The following SLF2 variants were observed in gnomAD, a reference collection of about 807,000 sequenced individuals.
The protein encoded by SLF2 is SMC5/6 complex localization factor 2.
In SLF2, 68 loss-of-function variants were observed where a neutral mutation model predicts 124.3. The ratio of observed to expected loss-of-function variants is 0.55; its 90% confidence interval spans 0.45 to 0.67. The LOEUF is 0.67. SLF2 is among the 30% of genes least tolerant of loss of function. The pLI, the probability that SLF2 is intolerant of heterozygous loss-of-function variation, is 0.00. For synonymous variants in SLF2, 480 were observed against 478.8 expected (o/e 1.00, Z -0.03); for missense variants, 1,246 against 1,373.7 (o/e 0.91, Z 1.47).
intron 4 of SLF2, among the ~76,000 whole-genome samples, chr10:100,919,331 T>A (rs1969724): frequency 0.83 from 126,274 of 152,044 alleles, 52,626 homozygotes; most frequent in African/African-American, 0.86. Flanking sequence ...ATAATCTTAT[T>A]ATCTTGGAAT....
chr10:100,954,025 G>C (rs1482899754), intron 17 of SLF2, among the ~76,000 whole-genome samples: 1 of 151,980 alleles, frequency 6.6e-6, no homozygotes, highest in Non-Finnish European at 1.5e-5. Context: ...GGTAGGCCGA[G>C]GCATGCAGAT....
At position 100,924,445 on chromosome 10, in the gene SLF2, G is replaced by C; in HGVS notation, c.1444G>C (p.Ala482Pro). 1 of 1,614,172 alleles carries C rather than the reference G, an allele frequency of 6.2e-7. No homozygotes were observed. The highest frequency in any genetic ancestry group is 1.1e-5 in the South Asian group (1 of 91,084). Residue 482 changes from alanine (A) to proline (P), a missense_variant, in exon 5 of 20, where the codon GCT becomes CCT. Ala to Pro is a conservative substitution (Grantham distance 27). Transcript: ENST00000238961. Reference protein sequence around the residue: ...KLPLLSRVPSAGSSLVPLNAK... With the variant: ...KLPLLSRVPSPGSSLVPLNAK... ...ACCTTTACTTTCCCGTGTTCCAAGTGCTGGTTCCTCTCTAGTACCATTAAA... is the reference window on the plus strand; with the variant it reads ...ACCTTTACTTTCCCGTGTTCCAAGTCCTGGTTCCTCTCTAGTACCATTAAA...
intron 17 of SLF2, among the ~76,000 whole-genome samples, chr10:100,952,654 T>A (rs1850241378): frequency 6.6e-6 from 1 of 152,060 alleles, no homozygotes; most frequent in East Asian, 1.9e-4. Flanking sequence ...AAACTGTGTT[T>A]GCGGTTGGGC....
At chr10:100,926,491 C>A in intron 6 of SLF2, 1 of 410,262 alleles carries the variant, frequency 2.4e-6, no homozygotes, top group Non-Finnish European at 4.2e-6. Context: ...ATGGTCCCAG[C>A]TACTCAACAG....
In SLF2 at chr10:100,959,144, G is replaced by A. The variant is rs558684131; in HGVS notation, c.3418-284G>A. Among the ~76,000 whole-genome samples, 12 of 152,288 alleles carry A rather than the reference G, an allele frequency of 7.9e-5. No individual in the cohort carries two copies. In the South Asian group the frequency reaches 1.5e-3, roughly 18 times the overall value. On this transcript the variant is annotated intron_variant, in intron 18 of 19. Transcript: ENST00000238961. ...CAGCGAGTTAAAGTTAAGTTCCTTT[G>A]AAGGCAGAGAATGTGTTTTTGGGGA...
rs143525833 is a variant in SLF2 at position 100,947,113 on chromosome 10, C to G, written c.3009C>G (p.Val1003=). The G allele has an allele frequency of 1.3e-4, 201 of 1,583,250 alleles. 2 individuals carry two copies. The highest frequency in any genetic ancestry group is 1.1e-4 in the Non-Finnish European group (124 of 1,167,844). The change falls in exon 14 of 20, where the codon GTC becomes GTG. Residue 1003 remains valine, a synonymous_variant. Transcript: ENST00000238961. The part of the protein sequence containing the change: ...PHNLLWLVQL[V]PNWTSRGRQL... ...ACCTCCTGTGGTTGGTACAGCTGGTCCCTAATTGGACATCACGTGGAAGGT... is the reference window on the plus strand; with the variant it reads ...ACCTCCTGTGGTTGGTACAGCTGGTGCCTAATTGGACATCACGTGGAAGGT...
intron 14 of SLF2, 56 bp downstream of exon 14, chr10:100,947,192 A>T (rs537664158): frequency 1.9e-6 from 2 of 1,025,808 alleles, no homozygotes; most frequent in South Asian, 3.4e-5. Flanking sequence ...CATTAATGAA[A>T]TGCCTTGGGT....
At chr10:100,947,276 C>T (rs759417345) in intron 14 of SLF2, 140 bp downstream of exon 14, 1 of 495,346 alleles carries the variant, frequency 2.0e-6, no homozygotes. Context: ...CGAGAAAAGG[C>T]ATTGATAGCC....
At chr10:100,913,454 T>C in intron 1 of SLF2, 1 of 1,320,460 alleles carries the variant, frequency 7.6e-7, no homozygotes, top group Non-Finnish European at 9.6e-7. Context: ...GCAGCTGCTC[T>C]TGGTCTAGTG....
intron 2 of SLF2, 56 bp downstream of exon 2, chr10:100,916,098 CAG>C (rs1281895257): frequency 1.1e-5 from 16 of 1,392,328 alleles, no homozygotes; most frequent in Admixed American, 1.8e-5. Flanking sequence ...AGGAGAGAGA[CAG>C]ATTCAACTTT....
intron 18 of SLF2, among the ~76,000 whole-genome samples, chr10:100,958,605 G>A (rs1342077528): frequency 1.3e-5 from 2 of 152,242 alleles, no homozygotes; most frequent in Non-Finnish European, 2.9e-5. Flanking sequence ...TGCTTCAAGG[G>A]ATGGTCCTGC....
At chr10:100,944,512 A>AC (rs1850061753) in intron 12 of SLF2, among the ~76,000 whole-genome samples, 1 of 151,642 alleles carries the variant, frequency 6.6e-6, no homozygotes, top group South Asian at 2.1e-4. Context: ...AAAAAAAAAA[A>AC]AACTCTCTAG....
chr10:100,923,321 C>T (rs1228658603), intron 4 of SLF2, among the ~76,000 whole-genome samples: 3 of 152,146 alleles, frequency 2.0e-5, no homozygotes, highest in Non-Finnish European at 1.5e-5. Flanking sequence ...TACTTCCTTA[C>T]CTCGTCTAGC....
intron 15 of SLF2, among the ~76,000 whole-genome samples, chr10:100,949,599 T>C (rs929220618): frequency 4.2e-5 from 6 of 143,048 alleles, no homozygotes; most frequent in African/African-American, 1.0e-4. Context: ...TTAAAATCCC[T>C]TTTTTTTTTT....
intron 13 of SLF2, among the ~76,000 whole-genome samples, chr10:100,946,324 G>C (rs1190492045): frequency 7.0e-6 from 1 of 142,342 alleles, no homozygotes; most frequent in Non-Finnish European, 1.5e-5. Flanking sequence ...GGGGTGTTAG[G>C]CTTTTTTTTT....
chr10:100,927,038 A>G (rs1326369125), intron 6 of SLF2, among the ~76,000 whole-genome samples: 1 of 152,138 alleles, frequency 6.6e-6, no homozygotes, highest in Non-Finnish European at 1.5e-5. Context: ...CTAGTATCTG[A>G]TAGCTGAAAT....
rs530820171 is a variant in SLF2 at position 100,930,892 on chromosome 10, A to G, written c.2334-84A>G. On this transcript the variant is annotated intron_variant, in intron 8 of 19. Transcript: ENST00000238961. ...GACAGTTTGCTTGCTCATTTCTCTGATTATGTCAGATGTGTTGGTGGTGAT... is the reference window on the plus strand; with the variant it reads ...GACAGTTTGCTTGCTCATTTCTCTGGTTATGTCAGATGTGTTGGTGGTGAT... The G allele has an allele frequency of 2.1e-4, 217 of 1,028,976 alleles. 2 individuals carry two copies. In the South Asian group the frequency reaches 2.9e-3, roughly 14 times the overall value. 63.7% of individuals were successfully genotyped at this position (1,028,976 alleles called of 1,614,324 possible).
Position 100,929,819 on chromosome 10 carries a change from T to A in SLF2, c.2166-11T>A, listed in dbSNP as rs1849693744. On this transcript the variant is annotated splice_polypyrimidine_tract_variant and intron_variant, in intron 7 of 19. Transcript: ENST00000238961. ...ACAATTTGGTATTGATTGACTTTTT[T>A]TATGTTTCAGGGAATTTCTAAAGAA... 6.4e-7 allele frequency: 1 copy of A among 1,564,582 alleles called. No individual in the cohort carries two copies. Among genetic ancestry groups the A allele is most frequent in the African/African-American group, 1.4e-5 (1 of 72,234 alleles).
Position 100,924,276 on chromosome 10 carries a change from A to T in SLF2, c.1275A>T (p.Gln425His). ...ACCATTCTACCAGGAATAGTGACCA[A>T]ATCCAAGTGGCAGGTACCAAGGAGA... ...SGHHSTRNSD[Q>H]IQVAGTKETK... Residue 425 changes from glutamine to histidine, a missense_variant, in exon 5 of 20, where the codon CAA becomes CAT. Transcript: ENST00000238961. 6.2e-7 allele frequency: 1 copy of T among 1,614,184 alleles called. No individual in the cohort carries two copies. The highest frequency in any genetic ancestry group is 8.5e-7 in the Non-Finnish European group (1 of 1,180,030).
Sources: gnomAD v4.1 joint callset for allele counts (sites outside exome capture counted in the v4.1 genomes callset) on GRCh38, gnomAD v4.1.1 for gene constraint, MANE v1.5 for transcripts, NCBI Gene and HGNC (gene_info 2026-07-23, HGNC 2026-07-21) for gene names.